Variants in DHX9 observed in about 807,000 individuals in gnomAD.
The protein encoded by DHX9 is ATP-dependent RNA helicase A.
A neutral mutation model predicts 148.7 loss-of-function variants in DHX9; 27 were observed. The ratio of observed to expected loss-of-function variants is 0.18; its 90% CI spans 0.13 to 0.25. DHX9 has a LOEUF of 0.25. DHX9 is among the 10% of genes least tolerant of loss of function. The pLI is 1.00. For synonymous variants in DHX9, 529 were observed against 516.6 expected (o/e 1.02, Z -0.33); for missense variants, 796 against 1,559.6 (o/e 0.51, Z 8.25).
At chr1:182,853,972 G>T (rs1184168672) in intron 5 of DHX9, 58 bp from the exon 6 acceptor site, 13 of 1,526,330 alleles carry the variant, frequency 8.5e-6, no homozygotes, top group Admixed American at 3.8e-5. Flanking sequence ...AAATTTCTGT[G>T]CCTTGTTTGT....
intron 6 of DHX9, 135 bp downstream of exon 6, chr1:182,854,313 A>T (rs1372192704): frequency 2.5e-6 from 2 of 809,904 alleles, no homozygotes; most frequent in African/African-American, 3.4e-5. Context: ...AGATAACGTT[A>T]ATTTGCACAA....
chr1:182,840,609 CTTATAA>C (rs1330075872), intron 1 of DHX9, among the ~76,000 whole-genome samples: 1 of 152,084 alleles, frequency 6.6e-6, no homozygotes, highest in Non-Finnish European at 1.5e-5. Context: ...AATTCTTGCT[CTTATAA>C]TTAGGAGCTC....
At chr1:182,880,093 C>G (rs1225350712) in intron 21 of DHX9, among the ~76,000 whole-genome samples, 4 of 152,116 alleles carry the variant, frequency 2.6e-5, no homozygotes, top group African/African-American at 9.7e-5. Context: ...GGAGCTAGAT[C>G]TGAATTTGAA....
intron 7 of DHX9, 88 bp downstream of exon 7, chr1:182,856,666 C>G (rs1264867288): frequency 6.9e-6 from 8 of 1,155,432 alleles, no homozygotes; most frequent in Non-Finnish European, 1.0e-5. Context: ...TATACAGAAG[C>G]TGTATTATTT....
chr1:182,858,660 GT>G lies in DHX9; in HGVS notation c.900+22del. The G allele has an allele frequency of 6.2e-7, 1 of 1,609,438 alleles. No individual in the cohort carries two copies. Among genetic ancestry groups the G allele is most frequent in the South Asian group, 1.1e-5 (1 of 90,868 alleles). On this transcript the variant is annotated intron_variant, in intron 9 of 27. Transcript: ENST00000367549. Reference sequence around the variant, plus strand: ...CCCCCGGTAAGCATAAAGCTGTTTAGTTCACATTTACGTAGAACTCTCCGTA... The same window carrying G: ...CCCCCGGTAAGCATAAAGCTGTTTAGTCACATTTACGTAGAACTCTCCGTA...
Position 182,883,197 on chromosome 1 carries a change from T to C in DHX9, c.2973T>C (p.Val991=), listed in dbSNP as rs752975635. ...NTGPDNNLDV[V]ISLLAFGVYP... is the part of the protein sequence containing the mutation. ...GACCAGATAATAATTTGGATGTTGT[T>C]ATCTCCCTCCTGGCCTTTGGTGTGT... The change falls in exon 25 of 28, where the codon GTT becomes GTC. Residue 991 remains valine (V), a synonymous_variant. Transcript: ENST00000367549. 12 of 1,614,168 alleles carry C rather than the reference T, an allele frequency of 7.4e-6. No individual in the cohort carries two copies. The highest frequency in any genetic ancestry group is 1.0e-5 in the Non-Finnish European group (12 of 1,180,004).
chr1:182,887,408 C>T lies in DHX9; in HGVS notation c.3787C>T (p.Gln1263Ter), dbSNP rs1649383674. 1.2e-6 allele frequency: 2 copies of T among 1,613,606 alleles called. No homozygotes were observed. The highest frequency in any genetic ancestry group is 1.7e-6 in the Non-Finnish European group (2 of 1,179,870). The change falls in exon 28 of 28, where the codon CAG becomes TAG. Residue 1263 changes from glutamine (Q) to a stop codon, truncating the protein, a stop_gained. Transcript: ENST00000367549. LOFTEE classifies it high-confidence loss of function. The part of the protein sequence containing the change: ...RGAYGTGYFG[Q>*]GRGGGGY ...GGCCTATGGAACTGGCTACTTTGGA[C>T]AGGGAAGAGGAGGTGGCGGCTATTA...
In DHX9 at chr1:182,843,297, C is replaced by A. The variant is rs2102586720; in HGVS notation, c.115C>A (p.Gln39Lys). The A allele has an allele frequency of 6.4e-7, 1 of 1,550,950 alleles. No homozygotes were observed. Among genetic ancestry groups the A allele is most frequent in the Non-Finnish European group, 8.6e-7 (1 of 1,156,696 alleles). The stretch of plus-strand genomic sequence containing the variant: ...GTACTTTTTTTTTTTTTTAAAGGTT[C>A]AGGTGGAAGGTTATAATTACACTGG... Reference protein sequence around the residue: ...KNRQKFMCEVQVEGYNYTGMG... With the variant: ...KNRQKFMCEVKVEGYNYTGMG... The change falls in exon 3 of 28, where the codon CAG (glutamine) becomes AAG (lysine). Residue 39 changes from glutamine (Q) to lysine (K), a missense_variant. Around this residue, in one of 14 missense-constraint regions of DHX9, gnomAD observed 23 missense variants for 89.5 expected, o/e 0.26. Transcript: ENST00000367549.
In DHX9 at chr1:182,854,252, A is replaced by G. The variant is rs191190295; in HGVS notation, c.626+74A>G. 8.2e-5 allele frequency: 111 copies of G among 1,358,530 alleles called. No individual in the cohort carries two copies. The Admixed American group carries it at 1.5e-3, about 19-fold the overall frequency. 84.2% of individuals were successfully genotyped at this position (1,358,530 alleles called of 1,614,324 possible). A position where few individuals can be genotyped will look rare whatever the true frequency, so the allele number is the denominator to read the frequency against. On this transcript the variant is annotated intron_variant, in intron 6 of 27. Coordinates refer to ENST00000367549, the MANE Select transcript of DHX9 (RefSeq NM_001357.5). The stretch of plus-strand genomic sequence containing the variant: ...GGATATTCACTGTTGAATATAATCT[A>G]TTTTTGTACGTTGTCTGGTTAATTG...
At chr1:182,851,768 T>C (rs1668154698) in intron 3 of DHX9, among the ~76,000 whole-genome samples, 1 of 152,172 alleles carries the variant, frequency 6.6e-6, no homozygotes, top group Non-Finnish European at 1.5e-5. Flanking sequence ...CTAATGATCT[T>C]ATAAGAGAAA....
intron 11 of DHX9, 85 bp from the exon 12 acceptor site, chr1:182,859,908 G>A (rs1225271317): frequency 1.5e-5 from 20 of 1,376,708 alleles, no homozygotes; most frequent in Non-Finnish European, 2.0e-5. Context: ...CCAGTCTATA[G>A]AGATGGAAGT....
intron 22 of DHX9, among the ~76,000 whole-genome samples, chr1:182,880,968 T>C (rs938310716): frequency 6.6e-6 from 1 of 152,326 alleles, no homozygotes; most frequent in Admixed American, 6.5e-5. Flanking sequence ...AGGTTTATTT[T>C]ATCAGAAAAT....
chr1:182,884,566 T>C (rs780807664), intron 26 of DHX9, 47 bp from the exon 27 acceptor site: 3 of 1,538,764 alleles, frequency 1.9e-6, no homozygotes, highest in Non-Finnish European at 2.7e-6. Flanking sequence ...ATGGTCTTTT[T>C]CTACATATAC....
At chr1:182,869,335 C>T (rs560724548) in intron 14 of DHX9, among the ~76,000 whole-genome samples, 1 of 151,908 alleles carries the variant, frequency 6.6e-6, no homozygotes, top group South Asian at 2.1e-4. Flanking sequence ...TCTGGTTCAG[C>T]CCGGTCTTGT....
At chr1:182,843,997 C>T (rs1321915641) in intron 3 of DHX9, among the ~76,000 whole-genome samples, 7 of 152,300 alleles carry the variant, frequency 4.6e-5, no homozygotes, top group Middle Eastern at 3.4e-3. Flanking sequence ...CTTGCACTGT[C>T]GCCCAGGCTG....
At position 182,883,650 on chromosome 1, in the gene DHX9, A is replaced by T; in HGVS notation, c.3260+15A>T. ...GTAGATGACTGGTATGGATTTTCAG[A>T]TGTGAACTCCAAACTGAATTCTTAG... is the stretch of plus-strand genomic sequence containing the variant. On this transcript the variant is annotated intron_variant, in intron 26 of 27. Coordinates refer to ENST00000367549, the MANE Select transcript of DHX9 (RefSeq NM_001357.5). The T allele has an allele frequency of 3.9e-6, 6 of 1,555,872 alleles. No individual in the cohort carries two copies. Among genetic ancestry groups the T allele is most frequent in the Non-Finnish European group, 5.3e-6 (6 of 1,127,774 alleles).
chr1:182,853,989 A>G (rs764739568), intron 5 of DHX9, 41 bp from the exon 6 acceptor site: 1 of 1,597,974 alleles, frequency 6.3e-7, no homozygotes, highest in Non-Finnish European at 8.5e-7. Context: ...TTGTATACCT[A>G]AACTTAACAC....
rs911680622 is a variant in DHX9 at position 182,856,595 on chromosome 1, C to T, written c.673+17C>T. 1.1e-5 allele frequency: 17 copies of T among 1,611,084 alleles called. No homozygotes were observed. In the African/African-American group the frequency reaches 1.3e-4, roughly 13 times the overall value. On this transcript the variant is annotated intron_variant, in intron 7 of 27. Coordinates refer to ENST00000367549, the MANE Select transcript of DHX9 (RefSeq NM_001357.5). ...TGGGCAGAAGTAAGTGTTACTGTTT[C>T]CCCAATATTCCAAGTCTCTGTATAG... is the stretch of plus-strand genomic sequence containing the variant.
chr1:182,872,122 A>G (rs552184255), intron 14 of DHX9, among the ~76,000 whole-genome samples: 1 of 152,198 alleles, frequency 6.6e-6, no homozygotes, highest in African/African-American at 2.4e-5. Context: ...ACTCATTTCT[A>G]ATCACAACTA....
Sources: gnomAD v4.1 joint callset for allele counts (sites outside exome capture counted in the v4.1 genomes callset) on GRCh38, gnomAD v4.1.1 for gene constraint, gnomAD v4.1.1 regional missense constraint, MANE v1.5 for transcripts, NCBI Gene and HGNC (gene_info 2026-07-23, HGNC 2026-07-21) for gene names.